TBL1XR1: variants seen among roughly 807,000 people sequenced by gnomAD.
TBL1XR1 encodes F-box-like/WD repeat-containing protein TBL1XR1.
A neutral mutation model predicts 66.9 loss-of-function variants in TBL1XR1; 5 were observed. The observed-to-expected ratio is 0.07, with a 90% CI of 0.04 to 0.16. The LOEUF is 0.16. Among genes scored for constraint, TBL1XR1 ranks in the 10% least tolerant of loss-of-function variants. TBL1XR1 has a pLI of 1.00. For missense variants in TBL1XR1, 238 were observed against 623.2 expected (o/e 0.38, Z 6.58); for synonymous variants, 210 against 206.0 (o/e 1.02, Z -0.17).
intron 2 of TBL1XR1, among the ~76,000 whole-genome samples, chr3:177,073,827 G>A (rs953016199): frequency 3.3e-5 from 5 of 152,154 alleles, no homozygotes; most frequent in African/African-American, 1.2e-4. Context: ...CTTTCCTTCT[G>A]GTGGGATTCA....
At chr3:177,112,338 C>A (rs1725754685) in intron 1 of TBL1XR1, among the ~76,000 whole-genome samples, 1 of 151,230 alleles carries the variant, frequency 6.6e-6, no homozygotes, top group African/African-American at 2.4e-5. Context: ...GAACTCCTAA[C>A]CCCAGGTGAT....
At chr3:177,136,571 C>T (rs1486820182) in intron 1 of TBL1XR1, among the ~76,000 whole-genome samples, 3 of 152,224 alleles carry the variant, frequency 2.0e-5, no homozygotes, top group African/African-American at 4.8e-5. Context: ...TGAGCCACCA[C>T]GCCTGGCCAT....
chr3:177,069,490 T>A (rs1171690654), intron 2 of TBL1XR1, among the ~76,000 whole-genome samples: 1 of 151,952 alleles, frequency 6.6e-6, no homozygotes, highest in African/African-American at 2.4e-5. Context: ...TCCCAGCACT[T>A]TGGGAGGCCA....
At chr3:177,102,428 C>T (rs1275039190) in intron 1 of TBL1XR1, among the ~76,000 whole-genome samples, 2 of 152,154 alleles carry the variant, frequency 1.3e-5, no homozygotes, top group African/African-American at 4.8e-5. Context: ...AACTCATTTA[C>T]CTATGTCCTA....
intron 1 of TBL1XR1, among the ~76,000 whole-genome samples, chr3:177,155,662 G>C (rs897471991): frequency 2.0e-5 from 3 of 152,034 alleles, no homozygotes; most frequent in African/African-American, 7.2e-5. Flanking sequence ...GAAAACAACT[G>C]AATAGTCACA....
rs534555934 is a variant in TBL1XR1 at position 177,151,094 on chromosome 3, T to C, written c.-122+46027A>G. 7.9e-5 allele frequency among the ~76,000 whole-genome samples: 12 copies of C among 152,338 alleles called. No homozygotes were observed. In the South Asian group the frequency reaches 2.5e-3, roughly 32 times the overall value. On this transcript the variant is annotated intron_variant, in intron 1 of 15. Coordinates refer to ENST00000457928, the MANE Select transcript of TBL1XR1 (RefSeq NM_024665.7). Reference sequence around the variant, plus strand: ...TAAACATGCTGTTCAACTCCTTTATTTTATAGATAGCACCGCTGTGGTGAA... The same window carrying C: ...TAAACATGCTGTTCAACTCCTTTATCTTATAGATAGCACCGCTGTGGTGAA...
intron 1 of TBL1XR1, among the ~76,000 whole-genome samples, chr3:177,103,416 A>T (rs1043664173): frequency 6.6e-6 from 1 of 152,258 alleles, no homozygotes; most frequent in African/African-American, 2.4e-5. Context: ...AATGTATTTC[A>T]GAGCATTTTA....
At chr3:177,175,918 G>A (rs1349636788) in intron 1 of TBL1XR1, among the ~76,000 whole-genome samples, 2 of 151,660 alleles carry the variant, frequency 1.3e-5, no homozygotes, top group Non-Finnish European at 2.9e-5. Flanking sequence ...TTAGCCGGGC[G>A]TGGTGGTGGG....
At chr3:177,111,897 G>A (rs778154182) in intron 1 of TBL1XR1, among the ~76,000 whole-genome samples, 37 of 151,180 alleles carry the variant, frequency 2.4e-4, no homozygotes, top group Non-Finnish European at 5.0e-4. Flanking sequence ...GGTGCCAGTG[G>A]TCTTAGGCCT....
At chr3:177,070,021 T>C (rs1719757063) in intron 2 of TBL1XR1, among the ~76,000 whole-genome samples, 1 of 152,212 alleles carries the variant, frequency 6.6e-6, no homozygotes, top group Admixed American at 6.5e-5. Flanking sequence ...TTTCACAAAA[T>C]GCTTTTTTAA....
At chr3:177,087,473 C>CAAGAT (rs1722289474) in intron 2 of TBL1XR1, among the ~76,000 whole-genome samples, 1 of 152,024 alleles carries the variant, frequency 6.6e-6, no homozygotes, top group Non-Finnish European at 1.5e-5. Context: ...AAAAACTCTC[C>CAAGAT]TTACAGGTGC....
Position 177,050,483 on chromosome 3 carries a change from T to C in TBL1XR1, c.555A>G (p.Ala185=), listed in dbSNP as rs1047926029. ...TATCACTTTGAGAAACATACCCTGA[T>C]GCTAGGAGATCACTAACAGGGTTCC... ...CAWNPVSDLL[A]SGSGDSTARI... The change falls in exon 6 of 16, where the codon GCA becomes GCG. Residue 185 remains alanine, a synonymous_variant. Coordinates refer to ENST00000457928, the MANE Select transcript of TBL1XR1 (RefSeq NM_024665.7). 6.8e-6 allele frequency: 11 copies of C among 1,613,746 alleles called. No individual in the cohort carries two copies. The highest frequency in any genetic ancestry group is 9.3e-6 in the Non-Finnish European group (11 of 1,179,758).
chr3:177,132,655 A>T (rs1488045269), intron 1 of TBL1XR1, among the ~76,000 whole-genome samples: 5 of 152,202 alleles, frequency 3.3e-5, no homozygotes, highest in Non-Finnish European at 7.3e-5. Flanking sequence ...CATGGCCAGG[A>T]AAGGAGATGG....
chr3:177,101,897 T>C lies in TBL1XR1; in HGVS notation c.-121-3356A>G, dbSNP rs114758922. Among the ~76,000 whole-genome samples the C allele has an allele frequency of 8.1e-3, 1,235 of 152,308 alleles. 5 individuals are homozygous for C. Among genetic ancestry groups the C allele is most frequent in the Non-Finnish European group, 0.014 (941 of 68,026 alleles). On this transcript the variant is annotated intron_variant, in intron 1 of 15. Transcript: ENST00000457928. The stretch of plus-strand genomic sequence containing the variant: ...AGCATTATGTACAATATGTTCTACA[T>C]GACTCTCTTATACTAGAACCAAATG...
intron 1 of TBL1XR1, among the ~76,000 whole-genome samples, chr3:177,120,310 T>TG (rs1726835252): frequency 6.6e-6 from 1 of 152,148 alleles, no homozygotes; most frequent in Non-Finnish European, 1.5e-5. Flanking sequence ...CTTACTACTC[T>TG]GTCTTACCAG....
chr3:177,201,522 C>T (rs911017724), upstream of TBL1XR1, among the ~76,000 whole-genome samples: 7 of 151,480 alleles, frequency 4.6e-5, no homozygotes, highest in African/African-American at 9.7e-5. Context: ...CAACTTTCAT[C>T]GCTAAAGACA....
At chr3:177,152,363 T>A (rs1730993028) in intron 1 of TBL1XR1, among the ~76,000 whole-genome samples, 1 of 152,170 alleles carries the variant, frequency 6.6e-6, no homozygotes, top group African/African-American at 2.4e-5. Flanking sequence ...TTGCCCAGGC[T>A]GGAGTGCAAT....
At chr3:177,136,069 A>C (rs1290994685) in intron 1 of TBL1XR1, 1 of 152,110 alleles carries the variant, frequency 6.6e-6, no homozygotes, top group Non-Finnish European at 1.5e-5. Context: ...TGCAGGTCAC[A>C]ATCAGTTTGT....
chr3:177,036,070 GTTTAA>G (rs1714742405), intron 12 of TBL1XR1, among the ~76,000 whole-genome samples: 1 of 152,284 alleles, frequency 6.6e-6, no homozygotes, highest in African/African-American at 2.4e-5. Context: ...TTTATTACTA[GTTTAA>G]TTTGTTTAAC....
Sources: allele counts gnomAD v4.1 joint callset (sites outside exome capture counted in the v4.1 genomes callset), GRCh38; gene constraint gnomAD v4.1.1; transcripts MANE v1.5; gene names NCBI Gene and HGNC (gene_info 2026-07-23, HGNC 2026-07-21).